Variants in HPSE2 observed in about 807,000 individuals in gnomAD.
HPSE2 encodes the protein heparanase 2 (inactive).
HPSE2 carries 38 observed loss-of-function variants against 60.5 expected under a neutral mutation model. The observed-to-expected ratio is 0.63, with a 90% CI of 0.48 to 0.82. The LOEUF (loss-of-function observed/expected upper bound fraction) is 0.82. HPSE2 is among the 40% of genes least tolerant of loss of function. The pLI is 0.00. For missense variants in HPSE2, 713 were observed against 740.4 expected, an observed-to-expected ratio of 0.96 and a Z score of 0.43; for synonymous variants, 295 against 293.2, an observed-to-expected ratio of 1.01 and a Z score of -0.06.
intron 4 of HPSE2, among the ~76,000 whole-genome samples, chr10:98,725,455 A>G (rs370680533): frequency 2.6e-5 from 4 of 152,258 alleles, no homozygotes; most frequent in African/African-American, 4.8e-5. Flanking sequence ...GCTGAAACTG[A>G]ATCCCTTCCT....
chr10:98,586,589 C>T (rs965224119), intron 9 of HPSE2, among the ~76,000 whole-genome samples: 3 of 152,112 alleles, frequency 2.0e-5, no homozygotes, highest in Non-Finnish European at 4.4e-5. Context: ...GGAAAAAATA[C>T]GTTGTTATAT....
chr10:98,689,726 A>G (rs892727791), intron 6 of HPSE2, among the ~76,000 whole-genome samples: 31 of 152,194 alleles, frequency 2.0e-4, no homozygotes, highest in Admixed American at 5.9e-4. Context: ...CTGATTTTGA[A>G]TCTAGCAGGA....
intron 3 of HPSE2, among the ~76,000 whole-genome samples, chr10:98,921,183 G>T (rs1039672995): frequency 2.6e-5 from 4 of 152,074 alleles, no homozygotes; most frequent in Non-Finnish European, 5.9e-5. Context: ...CTTGTTGTTA[G>T]GACTAAATGG....
chr10:98,817,136 G>T (rs1197494659), intron 3 of HPSE2, among the ~76,000 whole-genome samples: 2 of 152,096 alleles, frequency 1.3e-5, no homozygotes, highest in African/African-American at 4.8e-5. Flanking sequence ...GCCCACAAAG[G>T]CTTTTAGCCT....
At chr10:98,611,279 C>T (rs1945750955) in intron 9 of HPSE2, among the ~76,000 whole-genome samples, 1 of 152,196 alleles carries the variant, frequency 6.6e-6, no homozygotes, top group South Asian at 2.1e-4. Flanking sequence ...TTCTAAAGAG[C>T]TATCCTCATA....
chr10:98,912,502 T>G (rs1049066210), intron 3 of HPSE2, among the ~76,000 whole-genome samples: 5 of 152,206 alleles, frequency 3.3e-5, no homozygotes, highest in African/African-American at 1.2e-4. Flanking sequence ...CCCATGCCTG[T>G]TGCAGCACTG....
At chr10:98,801,496 G>T (rs1478332266) in intron 3 of HPSE2, among the ~76,000 whole-genome samples, 1 of 151,998 alleles carries the variant, frequency 6.6e-6, no homozygotes, top group Admixed American at 6.6e-5. Context: ...AATGAATTCA[G>T]TAAGTTGCAG....
chr10:99,063,344 A>C (rs1276639049), intron 3 of HPSE2, among the ~76,000 whole-genome samples: 1 of 152,240 alleles, frequency 6.6e-6, no homozygotes, highest in African/African-American at 2.4e-5. Context: ...GAAAAAAAAA[A>C]CAGCAAGGAT....
chr10:99,109,926 ATAAAGGCC>A (rs1444831156), intron 3 of HPSE2, among the ~76,000 whole-genome samples: 1 of 152,196 alleles, frequency 6.6e-6, no homozygotes, highest in African/African-American at 2.4e-5. Flanking sequence ...GGATCAAGAA[ATAAAGGCC>A]TGGAGTCAGT....
chr10:99,208,684 C>CAAA (rs143166690), intron 2 of HPSE2, among the ~76,000 whole-genome samples: 1 of 142,864 alleles, frequency 7.0e-6, no homozygotes, highest in East Asian at 2.0e-4. Flanking sequence ...GATCCAGTCT[C>CAAA]AAAAAATAAA....
chr10:99,246,589 T>C, the HPSE2 span, among the ~76,000 whole-genome samples: 1 of 151,998 alleles, frequency 6.6e-6, no homozygotes, highest in Non-Finnish European at 1.5e-5. Context: ...TCTACTAAAA[T>C]ACAAAAAATT....
intron 3 of HPSE2, among the ~76,000 whole-genome samples, chr10:98,754,764 G>C (rs1036425249): frequency 6.7e-6 from 1 of 149,254 alleles, no homozygotes. Flanking sequence ...GCTGACTACA[G>C]GTGCCCAATC....
At chr10:98,897,857 A>C (rs1953539815) in intron 3 of HPSE2, among the ~76,000 whole-genome samples, 1 of 152,140 alleles carries the variant, frequency 6.6e-6, no homozygotes, top group Non-Finnish European at 1.5e-5. Context: ...GCCTTTATTA[A>C]AATTGAAAAC....
At chr10:98,712,486 C>T (rs574694237) in intron 5 of HPSE2, among the ~76,000 whole-genome samples, 1 of 152,126 alleles carries the variant, frequency 6.6e-6, no homozygotes, top group East Asian at 1.9e-4. Context: ...CATACCTACC[C>T]ATGCTTTGAG....
At position 99,115,550 on chromosome 10, in the gene HPSE2, C is replaced by T. The variant is rs187671114; in HGVS notation, c.610+28688G>A. Among the ~76,000 whole-genome samples, 23 of 152,070 alleles carry T rather than the reference C, an allele frequency of 1.5e-4. No homozygotes were observed. In the East Asian group the frequency reaches 3.5e-3, roughly 23 times the overall value. ...CTTCAAGCAATTTTCTCATCTTGGC[C>T]TCCCAAAGAATCTGGATTACAGGAG... On this transcript the variant is annotated intron_variant, in intron 3 of 11. Coordinates refer to ENST00000370552, the MANE Select transcript of HPSE2 (RefSeq NM_021828.5).
At chr10:98,976,738 A>G (rs889855025) in intron 3 of HPSE2, among the ~76,000 whole-genome samples, 2 of 136,588 alleles carry the variant, frequency 1.5e-5, no homozygotes, top group African/African-American at 2.6e-5. Context: ...TGGTAAGCGA[A>G]AAAAAAAAAA....
At chr10:98,932,925 C>T (rs1232420901) in intron 3 of HPSE2, among the ~76,000 whole-genome samples, 2 of 143,520 alleles carry the variant, frequency 1.4e-5, no homozygotes, top group South Asian at 2.1e-4. Context: ...TTCAAAAACA[C>T]AGCTCCTGGA....
At chr10:98,548,059 CT>C (rs1336858388) in intron 9 of HPSE2, among the ~76,000 whole-genome samples, 1 of 152,068 alleles carries the variant, frequency 6.6e-6, no homozygotes, top group African/African-American at 2.4e-5. Flanking sequence ...ACACATAGTC[CT>C]TGTCTTCCAA....
In HPSE2 at chr10:98,743,889, C is replaced by G; in HGVS notation, c.778G>C (p.Gly260Arg). 6.2e-7 allele frequency: 1 copy of G among 1,613,528 alleles called. No homozygotes were observed. Among genetic ancestry groups the G allele is most frequent in the Non-Finnish European group, 8.5e-7 (1 of 1,179,458 alleles). The change falls in exon 4 of 12, where the codon GGT (glycine) becomes CGT (arginine). Residue 260 changes from glycine (G) to arginine (R), a missense_variant. Transcript: ENST00000370552. ...SKKYNISWELGNEPNNYRTMH... is the reference protein window; with the variant it reads ...SKKYNISWELRNEPNNYRTMH... The stretch of plus-strand genomic sequence containing the variant: ...AAGTAACATCCTTACTTACCATTAC[C>G]CAGTTCCCAAGAAATGTTGTACTTT...
Sources: gnomAD v4.1 joint callset for allele counts (sites outside exome capture counted in the v4.1 genomes callset) on GRCh38, gnomAD v4.1.1 for gene constraint, MANE v1.5 for transcripts, NCBI Gene and HGNC (gene_info 2026-07-23, HGNC 2026-07-21) for gene names.